The following OLFM2 variants were observed in gnomAD, a reference collection of about 807,000 sequenced individuals.
OLFM2 encodes the protein olfactomedin 2.
A neutral mutation model predicts 43.9 loss-of-function variants in OLFM2; 20 were observed. That is an observed-to-expected ratio of 0.46 (90% confidence interval 0.32 to 0.66). The LOEUF is 0.66. Ranked by LOEUF, OLFM2 falls within the 30% of genes least tolerant of loss-of-function variation. OLFM2 has a pLI of 0.04. For synonymous variants in OLFM2, 268 were observed against 278.6 expected (o/e 0.96, Z 0.38); for missense variants, 416 against 643.6 (o/e 0.65, Z 3.83).
chr19:9,855,750 A>G (rs915952745), intron 5 of OLFM2, among the ~76,000 whole-genome samples: 3 of 151,412 alleles, frequency 2.0e-5, no homozygotes, highest in African/African-American at 4.9e-5. Flanking sequence ...TGCCCAGGCT[A>G]GTCTCAAACT....
In OLFM2 at chr19:9,856,461, C is replaced by T. The variant is rs934659514; in HGVS notation, c.687+346G>A. Among the ~76,000 whole-genome samples, 4 of 152,292 alleles carry T rather than the reference C, an allele frequency of 2.6e-5. No homozygotes were observed. Among genetic ancestry groups the T allele is most frequent in the Non-Finnish European group, 5.9e-5 (4 of 68,026 alleles). ...ATGACCATGGAAGCTACTAGAAGTC[C>T]GAAGGTCACTGAGCAGTGCTTGGTG... On this transcript the variant is annotated intron_variant, in intron 5 of 5. Transcript: ENST00000264833. The surrounding 1 kb of genome is among the most constrained non-coding windows in gnomAD (Gnocchi z 4.0).
chr19:9,889,181 G>C (rs2145463323), intron 1 of OLFM2, among the ~76,000 whole-genome samples: 1 of 152,280 alleles, frequency 6.6e-6, no homozygotes, highest in Middle Eastern at 3.4e-3. Flanking sequence ...CTTGGGTCAT[G>C]GGTTAGGGAG....
Position 9,860,661 on chromosome 19 carries a change from C to G in OLFM2, c.197G>C (p.Arg66Pro). ...GGTTCTCACCTTCTCCATCAGTTGC[C>G]GCAGCTCCCGACTCCTGCCATCTCG... is the stretch of plus-strand genomic sequence containing the variant. ...CSRDGRSREL[R>P]QLMEKVQNVS... Residue 66 changes from arginine to proline, a missense_variant, in exon 2 of 6, where the codon CGG (arginine) becomes CCG (proline). Arg to Pro is a moderately radical substitution (Grantham distance 103, BLOSUM62 -2). Coordinates refer to ENST00000264833, the MANE Select transcript of OLFM2 (RefSeq NM_058164.4). The G allele has an allele frequency of 6.3e-7, 1 of 1,589,446 alleles. No homozygotes were observed. The highest frequency in any genetic ancestry group is 8.6e-7 in the Non-Finnish European group (1 of 1,167,330).
intron 1 of OLFM2, among the ~76,000 whole-genome samples, chr19:9,875,758 C>G (rs921707853): frequency 6.6e-6 from 1 of 151,988 alleles, no homozygotes; most frequent in African/African-American, 2.4e-5. Context: ...CCTCCCACCT[C>G]GGCCTCCCCA....
chr19:9,893,411 C>T (rs767649783), intron 1 of OLFM2, among the ~76,000 whole-genome samples: 2 of 152,146 alleles, frequency 1.3e-5, no homozygotes, highest in African/African-American at 2.4e-5. Context: ...GTGATCCACC[C>T]GCCTCCACCT....
At chr19:9,885,884 C>G (rs1364311333) in intron 1 of OLFM2, among the ~76,000 whole-genome samples, 1 of 151,972 alleles carries the variant, frequency 6.6e-6, no homozygotes, top group African/African-American at 2.4e-5. Context: ...GATCATTGAG[C>G]CCAGGAGTTT....
At chr19:9,867,545 C>T (rs1469474926) in intron 1 of OLFM2, among the ~76,000 whole-genome samples, 3 of 152,142 alleles carry the variant, frequency 2.0e-5, no homozygotes, top group African/African-American at 7.2e-5. Context: ...GTGTTTGAGG[C>T]TGGATAATTT....
At position 9,857,199 on chromosome 19, in the gene OLFM2, GGTGATACTGGAGTT is replaced by G. The variant is rs759603941; in HGVS notation, c.580+50_580+63del. On this transcript the variant is annotated intron_variant, in intron 4 of 5. Transcript: ENST00000264833. The surrounding 1 kb of genome is among the most constrained non-coding windows in gnomAD (Gnocchi z 5.7). ...TGTGTCCAGCTTCTAGGCACAAACA[GGTGATACTGGAGTT>G]GGGTGTGGCAGTCAGAGATCAGGGG... The G allele has an allele frequency of 1.4e-6, 2 of 1,453,826 alleles. No homozygotes were observed. The highest frequency in any genetic ancestry group is 1.9e-6 in the Non-Finnish European group (2 of 1,038,812). 90.1% of individuals were successfully genotyped at this position (1,453,826 alleles called of 1,614,324 possible). A position where few individuals can be genotyped will look rare whatever the true frequency, so the allele number is the denominator to read the frequency against.
chr19:9,893,785 A>G (rs1377231074), intron 1 of OLFM2, among the ~76,000 whole-genome samples: 2 of 152,140 alleles, frequency 1.3e-5, no homozygotes, highest in Non-Finnish European at 2.9e-5. Flanking sequence ...AAAATTCATT[A>G]AAGCAGAGTT....
intron 1 of OLFM2, among the ~76,000 whole-genome samples, chr19:9,919,640 C>A (rs1410391167): frequency 6.6e-6 from 1 of 151,724 alleles, no homozygotes; most frequent in Non-Finnish European, 1.5e-5. Flanking sequence ...CGCCACCACA[C>A]CTGGCTAGTT....
Position 9,881,826 on chromosome 19 carries a change from G to A in OLFM2, c.64-21032C>T, listed in dbSNP as rs150527591. 1.3e-4 allele frequency among the ~76,000 whole-genome samples: 20 copies of A among 152,092 alleles called. No individual in the cohort carries two copies. The East Asian group carries it at 3.9e-3, about 29-fold the overall frequency. ...ATCTCCTTTTCTTATACAGACATGA[G>A]TCATGTTGGATTAGGGCCCATTCCA... On this transcript the variant is annotated intron_variant, in intron 1 of 5. Coordinates refer to ENST00000264833, the MANE Select transcript of OLFM2 (RefSeq NM_058164.4).
intron 1 of OLFM2, among the ~76,000 whole-genome samples, chr19:9,900,335 C>T (rs762749081): frequency 1.3e-4 from 20 of 152,106 alleles, no homozygotes; most frequent in African/African-American, 2.9e-4. Flanking sequence ...GAGAAACTGA[C>T]GGAGCTGCAT....
chr19:9,864,691 AGCTTACT>A, intron 1 of OLFM2, among the ~76,000 whole-genome samples: 1 of 150,138 alleles, frequency 6.7e-6, no homozygotes, highest in African/African-American at 2.5e-5. Context: ...GTGCAATCCT[AGCTTACT>A]GCAGCCTCGA....
chr19:9,932,454 C>CAAAA (rs74178225), intron 1 of OLFM2, among the ~76,000 whole-genome samples: 1 of 95,846 alleles, frequency 1.0e-5, no homozygotes, highest in Non-Finnish European at 2.5e-5. Flanking sequence ...GACTCAGTCT[C>CAAAA]AAAAAAAAAA....
chr19:9,854,324 G>A lies in OLFM2; in HGVS notation c.1227C>T (p.Pro409=). 1.9e-6 allele frequency: 3 copies of A among 1,614,220 alleles called. No homozygotes were observed. Among genetic ancestry groups the A allele is most frequent in the Non-Finnish European group, 2.5e-6 (3 of 1,180,044 alleles). The stretch of plus-strand genomic sequence containing the variant: ...AGATGTGGGAATACTGGTTGTGGAA[G>A]GGCACGTCCGTGTACTCGTAACTGG... ...NTSSYEYTDV[P]FHNQYSHISM... The change falls in exon 6 of 6, where the codon CCC becomes CCT. Residue 409 remains proline (P), a synonymous_variant. Transcript: ENST00000264833. This position sits in a 1 kb window ranked among gnomAD's most constrained non-coding sequence, Gnocchi z 9.5.
chr19:9,908,464 A>ATTTTTTTTTTTT (rs34305631), intron 1 of OLFM2, among the ~76,000 whole-genome samples: 3 of 40,364 alleles, frequency 7.4e-5, no homozygotes, highest in Admixed American at 4.0e-4. Context: ...CACCTGGCTA[A>ATTTTTTTTTTTT]TTTTTTTTTT....
In OLFM2 at chr19:9,854,043, C is replaced by CA. The variant is rs2145425652; in HGVS notation, c.*142dup. On this transcript the variant is annotated 3_prime_UTR_variant, in exon 6 of 6. Transcript: ENST00000264833. This position sits in a 1 kb window ranked among gnomAD's most constrained non-coding sequence, Gnocchi z 9.5. Reference sequence around the variant, plus strand: ...GAAAAAATAGACAGAAATACATAGGCAGAGAACAAAAGCCCAGCAAAAAGG... The same window carrying CA: ...GAAAAAATAGACAGAAATACATAGGCAAGAGAACAAAAGCCCAGCAAAAAGG... The CA allele has an allele frequency of 1.5e-6, 1 of 681,892 alleles. No homozygotes were observed. Among genetic ancestry groups the CA allele is most frequent in the Non-Finnish European group, 2.5e-6 (1 of 402,222 alleles). The allele number at this position is 681,892 out of a possible 1,614,324, so 42.2% of individuals were successfully genotyped here.
intron 1 of OLFM2, among the ~76,000 whole-genome samples, chr19:9,867,258 C>G (rs918036678): frequency 6.6e-6 from 1 of 152,192 alleles, no homozygotes; most frequent in East Asian, 1.9e-4. Flanking sequence ...GTAAGCCCAG[C>G]TACTCAGGAG....
chr19:9,919,837 C>T (rs569037992), intron 1 of OLFM2, among the ~76,000 whole-genome samples: 44 of 143,748 alleles, frequency 3.1e-4, no homozygotes, highest in African/African-American at 1.1e-3. Context: ...CTCTGTCACC[C>T]AGGTTGGAGT....
Sources: allele counts gnomAD v4.1 joint callset (sites outside exome capture counted in the v4.1 genomes callset), GRCh38; gene constraint gnomAD v4.1.1; non-coding constraint Gnocchi (gnomAD v3.1); transcripts MANE v1.5; gene names NCBI Gene and HGNC (gene_info 2026-07-23, HGNC 2026-07-21).